Variants in MTERF4 observed in about 807,000 individuals in gnomAD.
MTERF4 encodes transcription termination factor 4, mitochondrial.
Under a neutral mutation model 22.5 loss-of-function variants are expected in MTERF4, and 17 were observed. That is an observed-to-expected ratio of 0.75 (90% CI 0.52 to 1.13). MTERF4 has a LOEUF of 1.13. Ranked by LOEUF, MTERF4 falls within the 50% of genes most tolerant of loss-of-function variation. The probability of loss-of-function intolerance (pLI) is 0.00; values close to 1 mark genes in which losing one functional copy is unlikely to be tolerated. For synonymous variants in MTERF4, 165 were observed against 175.3 expected (o/e 0.94, Z 0.47); for missense variants, 420 against 466.8 (o/e 0.90, Z 0.92).
Position 241,073,223 on chromosome 2 carries a change from G to A in MTERF4, n.2939C>T, listed in dbSNP as rs1224966896. The A allele has an allele frequency of 3.5e-6, 5 of 1,445,944 alleles. No individual in the cohort carries two copies. The highest frequency in any genetic ancestry group is 4.7e-6 in the Non-Finnish European group (5 of 1,053,022). The allele number at this position is 1,445,944 out of a possible 1,614,324, so 89.6% of individuals were successfully genotyped here. A position where few individuals can be genotyped will look rare whatever the true frequency, so the allele number is the denominator to read the frequency against. ...GGGTGGCCCCAGGACCATCCCGGGTGCAAAGCAGCTGCGCCGTGTGGTCAC... is the reference window on the plus strand; with the variant it reads ...GGGTGGCCCCAGGACCATCCCGGGTACAAAGCAGCTGCGCCGTGTGGTCAC... On this transcript the variant is annotated non_coding_transcript_exon_variant, in exon 5 of 5. Transcript: ENST00000464344. The surrounding 1 kb of genome is among the most constrained non-coding windows in gnomAD (Gnocchi z 6.6).
chr2:241,093,900 G>GT (rs1376357886), downstream of MTERF4: 2 of 153,392 alleles, frequency 1.3e-5, no homozygotes, highest in Admixed American at 1.3e-4. Flanking sequence ...AAAGATTTCT[G>GT]TATCAAAATG....
chr2:241,099,450 T>C lies in MTERF4; in HGVS notation c.466A>G (p.Ile156Val), dbSNP rs760890238. ...CTGGAGCGCTTCCTCATTTGCATAA[T>C]AGGCAGTTTCAATAACTGGGGACTT... ...KKSPQLLKLP[I>V]MQMRKRSSYL... The change falls in exon 2 of 4, where the codon ATT (isoleucine) becomes GTT (valine). Residue 156 changes from isoleucine (I) to valine (V), a missense_variant. Physicochemically the swap from Ile to Val is conservative, Grantham distance 29 (BLOSUM62 3). Transcript: ENST00000391980. 3.1e-6 allele frequency: 5 copies of C among 1,614,070 alleles called. No individual in the cohort carries two copies. In the African/African-American group the frequency reaches 4.0e-5, roughly 13 times the overall value.
the MTERF4 span, among the ~76,000 whole-genome samples, chr2:241,059,121 G>T: frequency 6.6e-6 from 1 of 152,174 alleles, no homozygotes; most frequent in Admixed American, 6.5e-5. Context: ...ACACCTATGA[G>T]CAATTTTAGG....
downstream of MTERF4, chr2:241,090,534 G>T (rs946947568): frequency 8.6e-6 from 12 of 1,391,998 alleles, no homozygotes; most frequent in Non-Finnish European, 1.1e-5. Flanking sequence ...CTACATAATT[G>T]TATGTGCTAG....
the MTERF4 span, chr2:241,049,885 T>C: frequency 6.2e-7 from 1 of 1,613,812 alleles, no homozygotes. Flanking sequence ...TGACGACTCC[T>C]ACACCTGCGA....
chr2:241,068,356 G>C (rs961019352), downstream of MTERF4, among the ~76,000 whole-genome samples: 13 of 146,734 alleles, frequency 8.9e-5, no homozygotes, highest in African/African-American at 3.6e-4. This position sits in a 1 kb window ranked among gnomAD's most constrained non-coding sequence, Gnocchi z 5.3. Context: ...AGCGAGGGTA[G>C]ATGGTAGCAG....
the MTERF4 span, chr2:241,049,734 G>C: frequency 3.0e-6 from 3 of 995,302 alleles, no homozygotes; most frequent in Non-Finnish European, 4.7e-6. Context: ...GGTAACCCTG[G>C]CAGGCAAGGT....
downstream of MTERF4, chr2:241,068,925 G>A (rs1342908146): frequency 6.4e-7 from 1 of 1,552,302 alleles, no homozygotes; most frequent in South Asian, 1.2e-5. The surrounding 1 kb of genome is among the most constrained non-coding windows in gnomAD (Gnocchi z 5.3). Flanking sequence ...CTGCTGCCTG[G>A]GAAGAGGTAC....
rs755085174 is a variant in MTERF4 at position 241,073,346 on chromosome 2, G to C, written n.2816C>G. The C allele has an allele frequency of 1.3e-6, 2 of 1,572,674 alleles. No homozygotes were observed. Among genetic ancestry groups the C allele is most frequent in the Non-Finnish European group, 1.7e-6 (2 of 1,160,178 alleles). On this transcript the variant is annotated non_coding_transcript_exon_variant, in exon 5 of 5. Coordinates refer to the MTERF4 transcript ENST00000464344. This position sits in a 1 kb window ranked among gnomAD's most constrained non-coding sequence, Gnocchi z 6.6. ...CCTGGCCCTCCAGCTCCCTGAACAC[G>C]GCAGCAAGGACATCGGAAGTGAGTC...
chr2:241,073,397 C>G lies in MTERF4; in HGVS notation n.2765G>C. 1 of 1,508,666 alleles carries G rather than the reference C, an allele frequency of 6.6e-7. No individual in the cohort carries two copies. The highest frequency in any genetic ancestry group is 9.0e-7 in the Non-Finnish European group (1 of 1,107,840). 93.5% of individuals were successfully genotyped at this position (1,508,666 alleles called of 1,614,324 possible). On this transcript the variant is annotated non_coding_transcript_exon_variant, in exon 5 of 5. Coordinates refer to the MTERF4 transcript ENST00000464344. The surrounding 1 kb of genome is among the most constrained non-coding windows in gnomAD (Gnocchi z 6.6). The stretch of plus-strand genomic sequence containing the variant: ...AGCAGCGCTGGTGGGGACTTTGGGA[C>G]TGACTGACTGCTCTCAGGGGCCTTA...
chr2:241,073,299 AGGAAGCC>A lies in MTERF4; in HGVS notation n.2856_2862del. The A allele has an allele frequency of 6.4e-7, 1 of 1,569,622 alleles. No individual in the cohort carries two copies. Among genetic ancestry groups the A allele is most frequent in the South Asian group, 1.2e-5 (1 of 85,006 alleles). On this transcript the variant is annotated non_coding_transcript_exon_variant, in exon 5 of 5. Coordinates refer to the MTERF4 transcript ENST00000464344. This position sits in a 1 kb window ranked among gnomAD's most constrained non-coding sequence, Gnocchi z 6.6. ...GCCTCGGCGCAGCTCGAGAACATGG[AGGAAGCC>A]CCCAAGCGGGTCAGCCTGGCCCTCC...
chr2:241,084,321 G>T (rs2063477210), downstream of MTERF4, among the ~76,000 whole-genome samples: 1 of 151,868 alleles, frequency 6.6e-6, no homozygotes, highest in Non-Finnish European at 1.5e-5. Flanking sequence ...ATTTTTAGTA[G>T]AGACAAAGTT....
chr2:241,064,146 G>A, the MTERF4 span: 1 of 1,462,654 alleles, frequency 6.8e-7, no homozygotes, highest in African/African-American at 1.6e-5. This position sits in a 1 kb window ranked among gnomAD's most constrained non-coding sequence, Gnocchi z 7.0. Flanking sequence ...AGGCCTGCCT[G>A]CTCCCCGCCC....
chr2:241,070,997 C>T (rs541457282), downstream of MTERF4, among the ~76,000 whole-genome samples: 4 of 152,326 alleles, frequency 2.6e-5, no homozygotes, highest in South Asian at 8.3e-4. Flanking sequence ...CCTGCCACCC[C>T]CACCAGCTTG....
chr2:241,050,957 G>A, the MTERF4 span, among the ~76,000 whole-genome samples: 1 of 152,234 alleles, frequency 6.6e-6, no homozygotes, highest in Non-Finnish European at 1.5e-5. Context: ...CAGCTTCCGT[G>A]AGCACACAGG....
chr2:241,062,805 C>A, the MTERF4 span: 3 of 1,609,670 alleles, frequency 1.9e-6, no homozygotes, highest in Non-Finnish European at 2.5e-6. Context: ...CGATGAGTGC[C>A]GGTCTCAGCC....
chr2:241,083,272 A>C (rs1198756655), downstream of MTERF4, among the ~76,000 whole-genome samples: 1 of 152,174 alleles, frequency 6.6e-6, no homozygotes, highest in Admixed American at 6.5e-5. Flanking sequence ...CAGGGCCCCA[A>C]GTCAGGAGTG....
chr2:241,043,893 G>T, the MTERF4 span, among the ~76,000 whole-genome samples: 6 of 152,178 alleles, frequency 3.9e-5, no homozygotes, highest in South Asian at 8.3e-4. Flanking sequence ...GGCAAGATTT[G>T]GTCTGTGGGT....
downstream of MTERF4, among the ~76,000 whole-genome samples, chr2:241,068,654 G>A (rs1321962376): frequency 2.6e-5 from 4 of 151,916 alleles, no homozygotes; most frequent in East Asian, 1.9e-4. This position sits in a 1 kb window ranked among gnomAD's most constrained non-coding sequence, Gnocchi z 5.3. Flanking sequence ...GCTGAACACC[G>A]GCCCTCTGAC....
Sources: allele counts gnomAD v4.1 joint callset (sites outside exome capture counted in the v4.1 genomes callset), GRCh38; gene constraint gnomAD v4.1.1; non-coding constraint Gnocchi (gnomAD v3.1); transcripts MANE v1.5; gene names NCBI Gene and HGNC (gene_info 2026-07-23, HGNC 2026-07-21).